The following ESRRB variants were observed in gnomAD, a reference collection of about 807,000 sequenced individuals.
The protein encoded by ESRRB is estrogen related receptor beta.
Under a neutral mutation model 46.0 loss-of-function variants are expected in ESRRB, and 16 were observed. That is an observed-to-expected ratio of 0.35 (90% CI 0.24 to 0.53). ESRRB has a LOEUF of 0.53. Among genes scored for constraint, ESRRB ranks in the 20% least tolerant of loss-of-function variants. ESRRB has a pLI of 0.93. For missense variants in ESRRB, 488 were observed against 607.4 expected (o/e 0.80, Z 2.07); for synonymous variants, 246 against 259.6 (o/e 0.95, Z 0.50).
chr14:76,346,794 G>A (rs1227958766), intron 1 of ESRRB, among the ~76,000 whole-genome samples: 1 of 152,216 alleles, frequency 6.6e-6, no homozygotes, highest in African/African-American at 2.4e-5. Context: ...GGTGTGCCCA[G>A]GATCCACCAG....
intron 1 of ESRRB, among the ~76,000 whole-genome samples, chr14:76,324,926 C>A (rs182432030): frequency 6.6e-6 from 1 of 151,506 alleles, no homozygotes; most frequent in Admixed American, 6.6e-5. Context: ...CAGGCATCAC[C>A]TGTTACAAAG....
chr14:76,342,654 A>G (rs1884205385), intron 1 of ESRRB, among the ~76,000 whole-genome samples: 1 of 152,228 alleles, frequency 6.6e-6, no homozygotes, highest in Non-Finnish European at 1.5e-5. Flanking sequence ...TTTGGTCCGC[A>G]TGAGCTTTGA....
intron 1 of ESRRB, among the ~76,000 whole-genome samples, chr14:76,354,644 C>T (rs1335092322): frequency 6.7e-6 from 1 of 149,388 alleles, no homozygotes; most frequent in African/African-American, 2.5e-5. Flanking sequence ...GGCTGACCCA[C>T]AAGAACCCAT....
At chr14:76,472,028 C>T (rs1011563852) in intron 3 of ESRRB, among the ~76,000 whole-genome samples, 4 of 152,144 alleles carry the variant, frequency 2.6e-5, no homozygotes, top group African/African-American at 9.7e-5. Context: ...GCGATTTGAC[C>T]AAGGCCAGAC....
chr14:76,375,628 T>G (rs1184620227), upstream of ESRRB, among the ~76,000 whole-genome samples: 30 of 152,074 alleles, frequency 2.0e-4, no homozygotes, highest in Non-Finnish European at 5.9e-5. Flanking sequence ...GTTTCTCTCC[T>G]GCCTTCTTGC....
intron 1 of ESRRB, among the ~76,000 whole-genome samples, chr14:76,385,297 C>G (rs1284482312): frequency 6.6e-6 from 1 of 152,028 alleles, no homozygotes; most frequent in Non-Finnish European, 1.5e-5. Flanking sequence ...TCATTCCACC[C>G]CCAAGGAATG....
intron 5 of ESRRB, among the ~76,000 whole-genome samples, chr14:76,485,665 AAGAG>A (rs1210268066): frequency 3.0e-5 from 4 of 132,754 alleles, no homozygotes; most frequent in South Asian, 2.6e-4. Flanking sequence ...GAGAGAAAGA[AAGAG>A]AGAGAGAGAG....
intron 3 of ESRRB, among the ~76,000 whole-genome samples, chr14:76,473,299 G>A (rs1316590465): frequency 2.0e-5 from 3 of 152,212 alleles, no homozygotes; most frequent in Non-Finnish European, 2.9e-5. Context: ...TGCTTATTTC[G>A]TTAATAAACC....
At chr14:76,415,409 C>T (rs774886258) in intron 1 of ESRRB, among the ~76,000 whole-genome samples, 1 of 152,146 alleles carries the variant, frequency 6.6e-6, no homozygotes, top group African/African-American at 2.4e-5. Context: ...CTCCTGCAAT[C>T]CCAGCACTTT....
At chr14:76,452,624 AAAAAAAACAAAACAAAAACAAAACAAAAC>A (rs1225460641) in intron 2 of ESRRB, among the ~76,000 whole-genome samples, 1 of 54,522 alleles carries the variant, frequency 1.8e-5, no homozygotes, top group African/African-American at 9.2e-5. Flanking sequence ...TGTCTCCAAA[AAAAAAAACAAAACAAAAACAAAACAAAAC>A]AAAAAAAAAG....
chr14:76,342,908 G>A (rs1202168207), intron 1 of ESRRB, among the ~76,000 whole-genome samples: 1 of 152,146 alleles, frequency 6.6e-6, no homozygotes, highest in Non-Finnish European at 1.5e-5. Context: ...TGTTCCAGTA[G>A]AAAAATGGGC....
intron 1 of ESRRB, among the ~76,000 whole-genome samples, chr14:76,437,516 T>C (rs1453315356): frequency 6.6e-6 from 1 of 152,192 alleles, no homozygotes; most frequent in Admixed American, 6.5e-5. Context: ...AGAGTCGTCT[T>C]TCCATTGGCA....
At chr14:76,488,247 C>T (rs545778766) in intron 5 of ESRRB, among the ~76,000 whole-genome samples, 8 of 152,346 alleles carry the variant, frequency 5.3e-5, no homozygotes, top group South Asian at 2.1e-4. Flanking sequence ...ACCAATTCAG[C>T]GCCTTGGAGT....
At chr14:76,397,966 A>C (rs1885768058) in intron 1 of ESRRB, among the ~76,000 whole-genome samples, 1 of 152,240 alleles carries the variant, frequency 6.6e-6, no homozygotes, top group South Asian at 2.1e-4. Context: ...CCTTTTGAAT[A>C]AACCCCTTTG....
Position 76,499,614 on chromosome 14 carries a change from TG to T in ESRRB, c.*1159del. 1 of 566,210 alleles carries T rather than the reference TG, an allele frequency of 1.8e-6. No homozygotes were observed. The highest frequency in any genetic ancestry group is 1.9e-5 in the African/African-American group (1 of 53,576). The allele number at this position is 566,210 out of a possible 1,614,324, so 35.1% of individuals were successfully genotyped here. ...AGGAGGGGTGCCCTCCTACCACACT[TG>T]GGCTACCAGAGGTTTGGTGTAGCTC... On this transcript the variant is annotated 3_prime_UTR_variant, in exon 7 of 7. Coordinates refer to ENST00000644823, the MANE Select transcript of ESRRB (RefSeq NM_001379180.1).
intron 1 of ESRRB, among the ~76,000 whole-genome samples, chr14:76,345,213 C>A (rs1365450318): frequency 6.6e-6 from 1 of 152,098 alleles, no homozygotes; most frequent in Non-Finnish European, 1.5e-5. Flanking sequence ...AACTAAAGAG[C>A]TTTTGCACAG....
chr14:76,495,993 T>A (rs1254965409), intron 6 of ESRRB, among the ~76,000 whole-genome samples: 2 of 152,108 alleles, frequency 1.3e-5, no homozygotes, highest in Non-Finnish European at 2.9e-5. Flanking sequence ...GAGACCTGGG[T>A]TCAAATCCTG....
chr14:76,458,425 G>GAC (rs58562150), intron 2 of ESRRB, among the ~76,000 whole-genome samples: 17,830 of 134,554 alleles, frequency 0.13, 1,011 homozygotes, highest in Non-Finnish European at 0.17. Flanking sequence ...CTCTCTCTCT[G>GAC]ACACACACAC....
At chr14:76,492,944 G>C (rs1890283057) in intron 6 of ESRRB, among the ~76,000 whole-genome samples, 1 of 152,092 alleles carries the variant, frequency 6.6e-6, no homozygotes, top group Non-Finnish European at 1.5e-5. Flanking sequence ...ATAAATACAG[G>C]GTACCCTCCC....
Sources: allele counts gnomAD v4.1 joint callset (sites outside exome capture counted in the v4.1 genomes callset), GRCh38; gene constraint gnomAD v4.1.1; transcripts MANE v1.5; gene names NCBI Gene and HGNC (gene_info 2026-07-23, HGNC 2026-07-21).